The following PKIB variants were observed in gnomAD, a reference collection of about 807,000 sequenced individuals.
The protein encoded by PKIB is cAMP-dependent protein kinase inhibitor beta.
PKIB carries 2 observed loss-of-function variants against 4.5 expected under a neutral mutation model. That is an observed-to-expected ratio of 0.44 (90% CI 0.18 to 1.39). PKIB has a LOEUF of 1.39. Ranked by LOEUF, PKIB falls within the 40% of genes most tolerant of loss-of-function variation. The pLI is 0.27. For synonymous variants in PKIB, 38 were observed against 36.0 expected (o/e 1.06, Z -0.20); for missense variants, 94 against 92.6 (o/e 1.02, Z -0.06).
chr6:122,588,240 A>G (rs994834312), intron 3 of PKIB, among the ~76,000 whole-genome samples: 7 of 152,134 alleles, frequency 4.6e-5, no homozygotes, highest in East Asian at 3.9e-4. Context: ...CTTTCTACAT[A>G]TGGCTAGCCA....
chr6:122,712,677 C>T (rs1211528624), intron 3 of PKIB, among the ~76,000 whole-genome samples: 6 of 152,036 alleles, frequency 3.9e-5, no homozygotes, highest in African/African-American at 1.2e-4. Context: ...ACTAATTTAG[C>T]GGGCAAGAAG....
At chr6:122,520,661 T>TTCCTCCCCCCC (rs1562237597) in intron 2 of PKIB, among the ~76,000 whole-genome samples, 1 of 55,606 alleles carries the variant, frequency 1.8e-5, no homozygotes, top group Non-Finnish European at 3.8e-5. Flanking sequence ...AAGTTTATGT[T>TTCCTCCCCCCC]CCCACCCCCC....
At chr6:122,690,923 TATA>T (rs369606379) in intron 3 of PKIB, among the ~76,000 whole-genome samples, 32,107 of 89,738 alleles carry the variant, frequency 0.36, 4,449 homozygotes, top group East Asian at 0.49. Flanking sequence ...AGGATATATA[TATA>T]TATATATTTT....
intron 3 of PKIB, among the ~76,000 whole-genome samples, chr6:122,594,665 A>G (rs181706110): frequency 1.2e-4 from 18 of 152,180 alleles, no homozygotes; most frequent in Admixed American, 3.9e-4. Context: ...TATTCCCTTT[A>G]CCTTCAGCAA....
chr6:122,619,984 T>C (rs1197302920), intron 1 of PKIB, among the ~76,000 whole-genome samples: 1 of 152,156 alleles, frequency 6.6e-6, no homozygotes, highest in Non-Finnish European at 1.5e-5. Context: ...ATCTTACTTC[T>C]CCTTAAGCCC....
In PKIB at chr6:122,597,780, T is replaced by G. The variant is rs145489973; in HGVS notation, c.-161+11773T>G. On this transcript the variant is annotated intron_variant, in intron 3 of 6. Transcript: ENST00000392491. ...CCAGTCAGGGAGCCAATGTGGGAGT[T>G]CTGCCAGCTGCAATTATGCATTCTG... is the stretch of plus-strand genomic sequence containing the variant. Among the ~76,000 whole-genome samples the G allele has an allele frequency of 2.7e-3, 412 of 152,332 alleles. 1 individual carries two copies. The highest frequency in any genetic ancestry group is 3.9e-3 in the Non-Finnish European group (263 of 68,028).
chr6:122,717,350 G>T (rs1779539720), intron 3 of PKIB, among the ~76,000 whole-genome samples: 2 of 152,114 alleles, frequency 1.3e-5, no homozygotes. Flanking sequence ...AGAGTGTTTT[G>T]TTTGGTCTCT....
At chr6:122,697,081 G>A (rs1582821622) in intron 3 of PKIB, among the ~76,000 whole-genome samples, 3 of 152,206 alleles carry the variant, frequency 2.0e-5, no homozygotes, top group Admixed American at 2.0e-4. Flanking sequence ...CTCAAGAGCA[G>A]AGTGAACAAC....
At chr6:122,476,008 G>A (rs1440386850) in intron 1 of PKIB, among the ~76,000 whole-genome samples, 1 of 151,918 alleles carries the variant, frequency 6.6e-6, no homozygotes, top group Non-Finnish European at 1.5e-5. Context: ...CTGAAATATT[G>A]TGAGAGTGGA....
intron 2 of PKIB, among the ~76,000 whole-genome samples, chr6:122,554,339 A>C (rs1250319420): frequency 6.6e-6 from 1 of 152,220 alleles, no homozygotes; most frequent in Non-Finnish European, 1.5e-5. Context: ...TAGATATTTA[A>C]ATATGTGTTA....
At chr6:122,717,142 A>C (rs1053665672) in intron 3 of PKIB, among the ~76,000 whole-genome samples, 10 of 152,106 alleles carry the variant, frequency 6.6e-5, no homozygotes, top group African/African-American at 2.4e-4. Context: ...AGGGAGATAA[A>C]GGGTGCTTAG....
chr6:122,511,861 G>A (rs760712632), intron 2 of PKIB, among the ~76,000 whole-genome samples: 9 of 152,250 alleles, frequency 5.9e-5, no homozygotes, highest in African/African-American at 1.2e-4. Flanking sequence ...TAGTGGGAGC[G>A]GGCTTAACTA....
At chr6:122,699,173 C>A (rs183193956) in intron 3 of PKIB, among the ~76,000 whole-genome samples, 3 of 151,642 alleles carry the variant, frequency 2.0e-5, no homozygotes, top group Non-Finnish European at 4.4e-5. Flanking sequence ...TATGTAGCAG[C>A]GCACCAGCAT....
intron 3 of PKIB, among the ~76,000 whole-genome samples, chr6:122,702,391 G>A (rs1370576279): frequency 4.2e-5 from 6 of 143,890 alleles, no homozygotes; most frequent in Non-Finnish European, 7.4e-5. Context: ...GTGCAGTGGC[G>A]TGACCTCGGC....
chr6:122,634,866 C>T (rs1325598176), intron 2 of PKIB, among the ~76,000 whole-genome samples: 7 of 151,106 alleles, frequency 4.6e-5, no homozygotes, highest in Non-Finnish European at 8.9e-5. Flanking sequence ...GGTGTGAACC[C>T]GGGAGGCGGA....
chr6:122,523,214 A>G (rs1444247080), intron 2 of PKIB, among the ~76,000 whole-genome samples: 1 of 152,154 alleles, frequency 6.6e-6, no homozygotes, highest in Non-Finnish European at 1.5e-5. Context: ...GAGTTTGTTG[A>G]ATCTTGTCAG....
intron 2 of PKIB, among the ~76,000 whole-genome samples, chr6:122,556,093 A>T (rs928040700): frequency 6.6e-6 from 1 of 152,172 alleles, no homozygotes; most frequent in Non-Finnish European, 1.5e-5. Context: ...AGGTGATTAG[A>T]TGATGGGGCA....
At chr6:122,564,554 T>G (rs979148163) in intron 2 of PKIB, among the ~76,000 whole-genome samples, 1 of 152,042 alleles carries the variant, frequency 6.6e-6, no homozygotes, top group Non-Finnish European at 1.5e-5. Flanking sequence ...ATAAAGTAAA[T>G]AAAATATAAA....
intron 2 of PKIB, among the ~76,000 whole-genome samples, chr6:122,667,972 C>T (rs1355601864): frequency 6.6e-6 from 1 of 152,134 alleles, no homozygotes; most frequent in Non-Finnish European, 1.5e-5. Flanking sequence ...ATGCAACCCC[C>T]ACCCTCTACC....
Sources: allele counts gnomAD v4.1 joint callset (sites outside exome capture counted in the v4.1 genomes callset), GRCh38; gene constraint gnomAD v4.1.1; transcripts MANE v1.5; gene names NCBI Gene and HGNC (gene_info 2026-07-23, HGNC 2026-07-21).